GABPB1: variants seen among roughly 807,000 people sequenced by gnomAD.
The protein encoded by GABPB1 is GA binding protein transcription factor subunit beta 1.
A neutral mutation model predicts 45.9 loss-of-function variants in GABPB1; 15 were observed. The ratio of observed to expected loss-of-function variants is 0.33; its 90% confidence interval spans 0.22 to 0.50. The LOEUF (loss-of-function observed/expected upper bound fraction) is 0.50, where lower values mean the gene tolerates loss of function less well. Ranked by LOEUF, GABPB1 falls within the 20% of genes least tolerant of loss-of-function variation. The pLI, the probability that GABPB1 is intolerant of heterozygous loss-of-function variation, is 0.98. For missense variants in GABPB1, 252 were observed against 457.5 expected (o/e 0.55, Z 4.10); for synonymous variants, 143 against 154.4 (o/e 0.93, Z 0.55).
rs2045973358 is a variant in GABPB1 at position 50,281,446 on chromosome 15, C to CAG, written c.1000-2663_1000-2662insCT. Among the ~76,000 whole-genome samples, 3 of 152,256 alleles carry CAG rather than the reference C, an allele frequency of 2.0e-5. No individual in the cohort carries two copies. In the South Asian group the frequency reaches 6.2e-4, roughly 32 times the overall value. Reference sequence around the variant, plus strand: ...CAGGATGGTCTCAATCTCCTGACCTCGTGATCTGCCCGCCTTGGCCTCCCA... The same window carrying CAG: ...CAGGATGGTCTCAATCTCCTGACCTCAGGTGATCTGCCCGCCTTGGCCTCCCA... On this transcript the variant is annotated intron_variant, in intron 8 of 8. Transcript: ENST00000380877.
rs771252950 is a variant in GABPB1 at position 50,301,272 on chromosome 15, C to T, written c.568G>A (p.Val190Met). ...TPQFIIGPGG[V>M]VNLTDETGVS... ...GATACCAGACCTGTTAGGTTCACCACCCCTCCAGGTCCAATGATAAACTGT... is the reference window on the plus strand; with the variant it reads ...GATACCAGACCTGTTAGGTTCACCATCCCTCCAGGTCCAATGATAAACTGT... Residue 190 changes from valine (V) to methionine (M), a missense_variant, in exon 5 of 9, where the codon GTG (valine) becomes ATG (methionine). Around this residue, in one of 4 missense-constraint regions of GABPB1, gnomAD observed 193 missense variants for 259.9 expected, o/e 0.74. Coordinates refer to ENST00000380877, the MANE Select transcript of GABPB1 (RefSeq NM_016654.5). 2 of 1,613,946 alleles carry T rather than the reference C, an allele frequency of 1.2e-6. No individual in the cohort carries two copies. Among genetic ancestry groups the T allele is most frequent in the South Asian group, 2.2e-5 (2 of 91,084 alleles).
At chr15:50,285,168 C>T (rs2046111155) in intron 8 of GABPB1, among the ~76,000 whole-genome samples, 1 of 152,126 alleles carries the variant, frequency 6.6e-6, no homozygotes, top group Admixed American at 6.6e-5. Context: ...ACCAAGTTTA[C>T]TACAAACACG....
chr15:50,284,133 T>C (rs757723638), intron 8 of GABPB1, among the ~76,000 whole-genome samples: 2 of 151,616 alleles, frequency 1.3e-5, no homozygotes, highest in Non-Finnish European at 2.9e-5. Flanking sequence ...AGTATAAAAG[T>C]CTCCCCCCAA....
intron 8 of GABPB1, chr15:50,282,420 A>G (rs1466129401): frequency 5.3e-6 from 2 of 377,746 alleles, no homozygotes; most frequent in African/African-American, 4.4e-5. Flanking sequence ...AAATAAACTT[A>G]GCCGGGTATA....
At chr15:50,291,484 A>ATTTTTTTT (rs537438110) in intron 6 of GABPB1, among the ~76,000 whole-genome samples, 2 of 140,082 alleles carry the variant, frequency 1.4e-5, no homozygotes, top group Non-Finnish European at 3.1e-5. Context: ...ACGCCTGGTA[A>ATTTTTTTT]TTTTTTTTTT....
chr15:50,306,951 T>C (rs944122977), intron 2 of GABPB1, among the ~76,000 whole-genome samples: 9 of 152,154 alleles, frequency 5.9e-5, no homozygotes, highest in Non-Finnish European at 1.0e-4. Flanking sequence ...ACAATTAATT[T>C]AACCAATCTA....
At chr15:50,299,895 C>A (rs888598011) in intron 6 of GABPB1, among the ~76,000 whole-genome samples, 14 of 151,992 alleles carry the variant, frequency 9.2e-5, no homozygotes, top group African/African-American at 3.4e-4. Flanking sequence ...TGGCTCATGG[C>A]AACCTCTGCC....
intron 1 of GABPB1, among the ~76,000 whole-genome samples, chr15:50,312,444 C>T (rs567663115): frequency 1.3e-5 from 2 of 152,172 alleles, no homozygotes; most frequent in South Asian, 2.1e-4. Context: ...TGCTTAAAGA[C>T]GCTAAGATCT....
In GABPB1 at chr15:50,301,386, A is replaced by T. The variant is rs201103564; in HGVS notation, c.472-18T>A. 6.2e-7 allele frequency: 1 copy of T among 1,601,296 alleles called. No individual in the cohort carries two copies. Among genetic ancestry groups the T allele is most frequent in the East Asian group, 2.2e-5 (1 of 44,698 alleles). ...ATAGCAATCTAGGGAAAAAATGACC[A>T]CAGTGTTTTCAGAATTATAACCAGA... On this transcript the variant is annotated intron_variant, in intron 4 of 8. Coordinates refer to ENST00000380877, the MANE Select transcript of GABPB1 (RefSeq NM_016654.5).
intron 6 of GABPB1, among the ~76,000 whole-genome samples, chr15:50,294,022 T>C (rs1421170340): frequency 6.6e-6 from 1 of 152,152 alleles, no homozygotes; most frequent in Non-Finnish European, 1.5e-5. Context: ...AACATAAATA[T>C]TCATTGATCT....
At chr15:50,347,885 G>T (rs1163785076) in intron 1 of GABPB1, among the ~76,000 whole-genome samples, 1 of 151,884 alleles carries the variant, frequency 6.6e-6, no homozygotes, top group Non-Finnish European at 1.5e-5. Context: ...GCTAAACCCC[G>T]TCTCTACTAA....
In GABPB1 at chr15:50,349,828, TGATA is replaced by T. The variant is rs557142308; in HGVS notation, c.-1+5153_-1+5156del. The stretch of plus-strand genomic sequence containing the variant: ...ACATCTTAATATCTTAATTACAACA[TGATA>T]GATAATTTATATTCATTGTAGAAGT... On this transcript the variant is annotated intron_variant, in intron 1 of 8. Coordinates refer to ENST00000380877, the MANE Select transcript of GABPB1 (RefSeq NM_016654.5). The T allele has an allele frequency of 1.6e-4, 24 of 152,340 alleles. No homozygotes were observed. In the East Asian group the frequency reaches 4.4e-3, roughly 28 times the overall value. The allele number at this position is 152,340 out of a possible 1,614,324, so 9.4% of individuals were successfully genotyped here.
intron 6 of GABPB1, among the ~76,000 whole-genome samples, chr15:50,297,033 C>G (rs1246772428): frequency 1.3e-5 from 2 of 151,226 alleles, no homozygotes; most frequent in African/African-American, 4.9e-5. Context: ...GTCTCAGCCT[C>G]CCGAGTAGCT....
chr15:50,305,671 T>A (rs62022567), intron 2 of GABPB1, among the ~76,000 whole-genome samples: 42,874 of 152,226 alleles, frequency 0.28, 7,496 homozygotes, highest in Middle Eastern at 0.42. Flanking sequence ...ACAGCCCATT[T>A]AGCAACCAGG....
intron 1 of GABPB1, among the ~76,000 whole-genome samples, chr15:50,345,629 T>C (rs552621629): frequency 1.3e-5 from 2 of 152,326 alleles, no homozygotes; most frequent in South Asian, 2.1e-4. Flanking sequence ...TGAAGAGAAA[T>C]GCAGCAGATA....
At chr15:50,303,941 C>T in intron 3 of GABPB1, 25 bp downstream of exon 3, 1 of 1,534,776 alleles carries the variant, frequency 6.5e-7, no homozygotes, top group Non-Finnish European at 8.8e-7. Context: ...ATTTTAAAAG[C>T]AAAGTGCAAA....
intron 2 of GABPB1, among the ~76,000 whole-genome samples, chr15:50,305,356 T>G (rs1183961805): frequency 6.6e-6 from 1 of 152,142 alleles, no homozygotes; most frequent in Non-Finnish European, 1.5e-5. Flanking sequence ...GTTTGTTTAA[T>G]TAGAGACAGG....
At chr15:50,298,788 C>T (rs1028884794) in intron 6 of GABPB1, among the ~76,000 whole-genome samples, 1 of 151,948 alleles carries the variant, frequency 6.6e-6, no homozygotes, top group Non-Finnish European at 1.5e-5. Context: ...CCCGTCCCTA[C>T]TAAAAATACA....
At chr15:50,315,622 C>T (rs1220360381) in intron 1 of GABPB1, among the ~76,000 whole-genome samples, 1 of 152,162 alleles carries the variant, frequency 6.6e-6, no homozygotes, top group Non-Finnish European at 1.5e-5. Flanking sequence ...AAAACAAAAT[C>T]GTAGCATTTT....
Sources: gnomAD v4.1 joint callset for allele counts (sites outside exome capture counted in the v4.1 genomes callset) on GRCh38, gnomAD v4.1.1 for gene constraint, gnomAD v4.1.1 regional missense constraint, MANE v1.5 for transcripts, NCBI Gene and HGNC (gene_info 2026-07-23, HGNC 2026-07-21) for gene names.